ASMTL: variants seen among roughly 807,000 people sequenced by gnomAD.
ASMTL encodes probable bifunctional dTTP/UTP pyrophosphatase/methyltransferase protein.
ASMTL carries 57 observed loss-of-function variants against 60.3 expected under a neutral mutation model. The observed-to-expected ratio is 0.95, with a 90% CI of 0.76 to 1.18. The LOEUF (loss-of-function observed/expected upper bound fraction) is 1.18, where lower values mean the gene tolerates loss of function less well. ASMTL is among the 50% of genes most tolerant of loss of function. The probability of loss-of-function intolerance (pLI) is 0.00; values close to 1 mark genes in which losing one functional copy is unlikely to be tolerated. For missense variants in ASMTL, 981 were observed against 852.6 expected (o/e 1.15, Z -1.88); for synonymous variants, 419 against 373.0 (o/e 1.12, Z -1.42).
intron 6 of ASMTL, among the ~76,000 whole-genome samples, chrX:1,428,596 G>A (rs5989914): frequency 0.78 from 117,188 of 150,586 alleles, 46,441 homozygotes; most frequent in East Asian, 0.9. Flanking sequence ...GCAGTGAGCC[G>A]AGATCGTGCC....
chrX:1,416,168 G>T (rs1328357904), intron 11 of ASMTL, among the ~76,000 whole-genome samples: 1 of 140,734 alleles, frequency 7.1e-6, no homozygotes. Context: ...TGGACATACA[G>T]ATATAGCGAC....
At chrX:1,450,649 A>AG (rs1481149571) in intron 1 of ASMTL, among the ~76,000 whole-genome samples, 1 of 88,596 alleles carries the variant, frequency 1.1e-5, no homozygotes, top group African/African-American at 4.4e-5. Flanking sequence ...CCCCATCCCT[A>AG]GGGGTTCTGG....
At chrX:1,442,803 A>G (rs1433921428) in intron 1 of ASMTL, among the ~76,000 whole-genome samples, 9 of 152,166 alleles carry the variant, frequency 5.9e-5, no homozygotes, top group Admixed American at 2.0e-4. Flanking sequence ...CCTGGTACCC[A>G]GGAAGAGACA....
At position 1,427,611 on chromosome X, in the gene ASMTL, C is replaced by T. The variant is rs1292697409; in HGVS notation, c.897+123G>A. On this transcript the variant is annotated intron_variant, in intron 7 of 12. Transcript: ENST00000381317. The stretch of plus-strand genomic sequence containing the variant: ...CCTAGAACCTTCGGAGAAAGCATGG[C>T]CCTGAGACAACCTGACCTCAGACTG... The T allele has an allele frequency of 1.7e-5, 18 of 1,053,318 alleles. No individual in the cohort carries two copies. The African/African-American group carries it at 2.7e-4, about 16-fold the overall frequency. 65.2% of individuals were successfully genotyped at this position (1,053,318 alleles called of 1,614,324 possible).
At chrX:1,421,625 G>C in intron 9 of ASMTL, 33 bp downstream of exon 9, 4 of 1,612,626 alleles carry the variant, frequency 2.5e-6, no homozygotes, top group South Asian at 2.2e-5. Context: ...ATGCACGCTA[G>C]ACGGAAAGGT....
intron 12 of ASMTL, among the ~76,000 whole-genome samples, chrX:1,411,801 ATTTTCTTTTTTT>A (rs1258891142): frequency 3.2e-5 from 3 of 92,382 alleles, no homozygotes; most frequent in Non-Finnish European, 6.6e-5. Context: ...TCTCTTTAGG[ATTTTCTTTTTTT>A]TTTTTTTTTT....
At position 1,432,673 on chromosome X, in the gene ASMTL, C is replaced by CA. The variant is rs746842849; in HGVS notation, c.401-297dup. ...TGAAACCCCGTCTCTACTAAAAATA[C>CA]AAAAAATTAGCCAGGCCTGGTAGTA... is the stretch of plus-strand genomic sequence containing the variant. On this transcript the variant is annotated intron_variant, in intron 5 of 12. Transcript: ENST00000381317. Among the ~76,000 whole-genome samples, 545 of 129,732 alleles carry CA rather than the reference C, an allele frequency of 4.2e-3. 3 individuals are homozygous for CA. Among genetic ancestry groups the CA allele is most frequent in the African/African-American group, 0.015 (511 of 34,124 alleles). 85.1% of individuals were successfully genotyped at this position (129,732 alleles called of 152,430 possible).
intron 9 of ASMTL, among the ~76,000 whole-genome samples, chrX:1,420,686 A>G (rs1485928570): frequency 1.3e-5 from 2 of 152,252 alleles, no homozygotes; most frequent in Non-Finnish European, 2.9e-5. Context: ...AGGAGGGGCG[A>G]GAGGATGCAG....
At chrX:1,416,767 A>G (rs780286692) in intron 11 of ASMTL, among the ~76,000 whole-genome samples, 1 of 82,508 alleles carries the variant, frequency 1.2e-5, no homozygotes, top group East Asian at 5.2e-4. Flanking sequence ...AGACACATGC[A>G]CACACAGACG....
intron 1 of ASMTL, among the ~76,000 whole-genome samples, chrX:1,452,189 G>A (rs1410765927): frequency 7.0e-6 from 1 of 143,052 alleles, no homozygotes; most frequent in Non-Finnish European, 1.5e-5. Context: ...GGGGGTCTCG[G>A]CTTACTCTCC....
At chrX:1,420,033 G>GTCTC (rs772451320) in intron 9 of ASMTL, among the ~76,000 whole-genome samples, 133 of 27,378 alleles carry the variant, frequency 4.9e-3, no homozygotes, top group Admixed American at 0.016. Context: ...ATCTCCCTCT[G>GTCTC]TCTCTGTCTC....
In ASMTL at chrX:1,421,846, G is replaced by C; in HGVS notation, c.1061-4C>G. The C allele has an allele frequency of 6.2e-7, 1 of 1,613,738 alleles. No individual in the cohort carries two copies. ...GCTGTCTCTGTGTTACTGTAACCTG[G>C]AGAAATGGGGACAGTCGTGTGACCT... On this transcript the variant is annotated splice_region_variant and splice_polypyrimidine_tract_variant and intron_variant, in intron 8 of 12. Transcript: ENST00000381317.
At chrX:1,443,424 A>C (rs867876693) in intron 1 of ASMTL, among the ~76,000 whole-genome samples, 4 of 131,750 alleles carry the variant, frequency 3.0e-5, no homozygotes, top group African/African-American at 1.4e-4. Flanking sequence ...TCTTGGACAC[A>C]CACCGCCATC....
chrX:1,436,827 CT>C (rs1459783225), intron 3 of ASMTL, among the ~76,000 whole-genome samples: 1 of 152,206 alleles, frequency 6.6e-6, no homozygotes, highest in Non-Finnish European at 1.5e-5. Context: ...GTTTTGAATC[CT>C]TTTGGGTACA....
intron 12 of ASMTL, among the ~76,000 whole-genome samples, chrX:1,407,847 T>C (rs1440289681): frequency 8.6e-5 from 13 of 151,148 alleles, no homozygotes; most frequent in African/African-American, 2.9e-4. Flanking sequence ...TTGATGATGA[T>C]AGATGAGATA....
rs755171738 is a variant in ASMTL, at chrX:1,412,785, G to T, written c.1592C>A (p.Pro531Gln). ...YVLCRILHDW[P>Q]DDKVHKLLSR... ...GAGTAACTTGTGGACTTTGTCGTCTGGCCAGTCATGCAGGATCCGGCACAG... is the reference window on the plus strand; with the variant it reads ...GAGTAACTTGTGGACTTTGTCGTCTTGCCAGTCATGCAGGATCCGGCACAG... Residue 531 changes from proline (P) to glutamine (Q), a missense_variant, in exon 12 of 13, where the codon CCA (proline) becomes CAA (glutamine). By Grantham distance (76) the Pro-to-Gln change is moderately conservative. Coordinates refer to ENST00000381317, the MANE Select transcript of ASMTL (RefSeq NM_004192.4). 5.6e-6 allele frequency: 9 copies of T among 1,613,844 alleles called. No homozygotes were observed. In the African/African-American group the frequency reaches 1.1e-4, roughly 19 times the overall value.
chrX:1,420,150 T>C (rs1375563924), intron 9 of ASMTL, among the ~76,000 whole-genome samples: 4 of 151,884 alleles, frequency 2.6e-5, no homozygotes, highest in Non-Finnish European at 5.9e-5. Flanking sequence ...TCTCCATCTT[T>C]GTTTCTGTCT....
chrX:1,432,791 T>A (rs1287811822), intron 5 of ASMTL, among the ~76,000 whole-genome samples: 1 of 152,144 alleles, frequency 6.6e-6, no homozygotes, highest in African/African-American at 2.4e-5. Flanking sequence ...ATCGCGCCCC[T>A]GCATTCCAGC....
rs183969517 is a variant in ASMTL, at chrX:1,418,072, G to A, written c.1423C>T (p.Arg475Cys). ...AGGTCAAACACAGTCACCTGCATAC[G>A]AGGGTACTCACGGGCCAGCTCTCGG... ...LARELAREYP[R>C]MQVTVFDLPD... The change falls in exon 11 of 13, where the codon CGT becomes TGT. Residue 475 changes from arginine (R) to cysteine (C), a missense_variant. Transcript: ENST00000381317. 879 of 1,612,998 alleles carry A rather than the reference G, an allele frequency of 5.4e-4. 3 individuals are homozygous for A. In the African/African-American group the frequency reaches 8.1e-3, roughly 15 times the overall value.
Sources: gnomAD v4.1 joint callset for allele counts (sites outside exome capture counted in the v4.1 genomes callset) on GRCh38, gnomAD v4.1.1 for gene constraint, MANE v1.5 for transcripts, NCBI Gene and HGNC (gene_info 2026-07-23, HGNC 2026-07-21) for gene names.